CECR2: variants seen among roughly 807,000 people sequenced by gnomAD.
The protein encoded by CECR2 is CECR2 histone acetyl-lysine reader.
A neutral mutation model predicts 154.5 loss-of-function variants in CECR2; 30 were observed. That is an observed-to-expected ratio of 0.19 (90% CI 0.15 to 0.26). The LOEUF is 0.26. Among genes scored for constraint, CECR2 ranks in the 10% least tolerant of loss-of-function variants. The pLI is 1.00. For missense variants in CECR2, 1,743 were observed against 1,829.3 expected (o/e 0.95, Z 0.86); for synonymous variants, 725 against 683.7 (o/e 1.06, Z -0.94).
intron 8 of CECR2, among the ~76,000 whole-genome samples, chr22:17,522,323 T>TG (rs2056172584): frequency 6.6e-6 from 1 of 152,224 alleles, no homozygotes; most frequent in African/African-American, 2.4e-5. Context: ...TGGGTAAAGA[T>TG]GTTGCTGGAA....
At chr22:17,439,168 C>CT (rs75068959) in intron 1 of CECR2, among the ~76,000 whole-genome samples, 2,297 of 140,382 alleles carry the variant, frequency 0.016, 73 homozygotes, top group East Asian at 0.16. Flanking sequence ...GAAACACTCC[C>CT]TTTTTTTTTT....
intron 1 of CECR2, among the ~76,000 whole-genome samples, chr22:17,432,156 C>G (rs1232496281): frequency 1.4e-5 from 2 of 142,766 alleles, no homozygotes; most frequent in East Asian, 4.2e-4. Context: ...TGGAATCACA[C>G]AGCCCCACTT....
intron 16 of CECR2, among the ~76,000 whole-genome samples, chr22:17,546,307 G>A (rs1159174943): frequency 2.0e-5 from 3 of 151,916 alleles, no homozygotes; most frequent in Non-Finnish European, 2.9e-5. Context: ...CTAACACGGT[G>A]AAACCCCATC....
chr22:17,471,906 T>G (rs1041673932), intron 1 of CECR2, among the ~76,000 whole-genome samples: 1 of 152,308 alleles, frequency 6.6e-6, no homozygotes, highest in East Asian at 1.9e-4. Flanking sequence ...GGAGACAGTT[T>G]TAGTAATTCA....
chr22:17,539,192 C>T (rs768280456), intron 13 of CECR2, 73 bp downstream of exon 13: 1 of 1,528,556 alleles, frequency 6.5e-7, no homozygotes, highest in Admixed American at 1.7e-5. Context: ...TTTACAAATA[C>T]ACATCCTAGT....
At chr22:17,378,174 G>A (rs58460912) in intron 1 of CECR2, among the ~76,000 whole-genome samples, 1,996 of 151,338 alleles carry the variant, frequency 0.013, 54 homozygotes, top group African/African-American at 0.046. Flanking sequence ...TAGTAGAGAC[G>A]GGGTTTCACC....
intron 1 of CECR2, among the ~76,000 whole-genome samples, chr22:17,422,742 A>G (rs1300104798): frequency 1.4e-5 from 2 of 146,688 alleles, no homozygotes; most frequent in African/African-American, 5.1e-5. Flanking sequence ...GTTTGTATTG[A>G]TACATCCTTA....
intron 1 of CECR2, among the ~76,000 whole-genome samples, chr22:17,381,161 A>G (rs993223513): frequency 1.3e-5 from 2 of 152,174 alleles, no homozygotes; most frequent in Non-Finnish European, 2.9e-5. Context: ...AAAGGAATTT[A>G]ATTTTGGATT....
chr22:17,378,627 C>T (rs1205463322), intron 1 of CECR2, among the ~76,000 whole-genome samples: 4 of 152,192 alleles, frequency 2.6e-5, no homozygotes, highest in Non-Finnish European at 5.9e-5. Flanking sequence ...CCTCTATGCT[C>T]CAGGTGCCAA....
At chr22:17,413,012 G>A (rs569215363) in intron 1 of CECR2, among the ~76,000 whole-genome samples, 1 of 152,268 alleles carries the variant, frequency 6.6e-6, no homozygotes, top group Non-Finnish European at 1.5e-5. Context: ...CTGGTCTGAG[G>A]TTGAGAGTGC....
chr22:17,503,248 C>T, intron 6 of CECR2, 117 bp downstream of exon 6: 1 of 866,666 alleles, frequency 1.2e-6, no homozygotes, highest in African/African-American at 1.7e-5. Flanking sequence ...AGCCTTTTAC[C>T]TACCCCCTGT....
chr22:17,420,484 C>T (rs2054229201), intron 1 of CECR2, among the ~76,000 whole-genome samples: 1 of 152,092 alleles, frequency 6.6e-6, no homozygotes, highest in South Asian at 2.1e-4. Context: ...TCTTTCTTTA[C>T]CCACCACTCA....
chr22:17,393,988 A>G (rs2053769038), intron 1 of CECR2, among the ~76,000 whole-genome samples: 1 of 150,988 alleles, frequency 6.6e-6, no homozygotes, highest in South Asian at 2.1e-4. Flanking sequence ...CCCGGGTTCA[A>G]GCAATTCTCC....
At position 17,549,253 on chromosome 22, in the gene CECR2, T is replaced by C; in HGVS notation, c.3966T>C (p.Pro1322=). ...LSASEYLYGT[P]PPLSSGMGFG... ...CCAGCGAGTATCTCTATGGAACTCC[T>C]CCGCCTCTGAGTTCAGGAATGGGAT... Residue 1322 remains proline, a synonymous_variant, in exon 17 of 19, where the codon CCT becomes CCC. Coordinates refer to ENST00000262608, the MANE Select transcript of CECR2 (RefSeq NM_001290047.2). 1.9e-6 allele frequency: 3 copies of C among 1,614,000 alleles called. No individual in the cohort carries two copies. Among genetic ancestry groups the C allele is most frequent in the Non-Finnish European group, 2.5e-6 (3 of 1,179,898 alleles).
At chr22:17,515,822 C>G (rs564689250) in intron 8 of CECR2, among the ~76,000 whole-genome samples, 277 of 152,150 alleles carry the variant, frequency 1.8e-3, no homozygotes, top group African/African-American at 6.2e-3. Context: ...ACTACAGGCG[C>G]CCGCCACCAC....
intron 8 of CECR2, among the ~76,000 whole-genome samples, chr22:17,512,707 GAAA>G (rs774207282): frequency 1.6e-5 from 2 of 122,460 alleles, no homozygotes; most frequent in African/African-American, 3.3e-5. Flanking sequence ...CTCTGTCTCA[GAAA>G]AAAAAAAAAA....
chr22:17,397,231 G>A (rs1045942572), intron 1 of CECR2, among the ~76,000 whole-genome samples: 1 of 152,168 alleles, frequency 6.6e-6, no homozygotes, highest in African/African-American at 2.4e-5. Flanking sequence ...CCACCTCCCA[G>A]GTTCAAGCGA....
At chr22:17,480,459 C>CACAGAGAG (rs373106595) in intron 2 of CECR2, among the ~76,000 whole-genome samples, 136 of 143,838 alleles carry the variant, frequency 9.5e-4, no homozygotes, top group Non-Finnish European at 1.3e-3. Context: ...CACACACACA[C>CACAGAGAG]AGAGAAAAGT....
At chr22:17,409,793 A>G (rs2054038244) in intron 1 of CECR2, among the ~76,000 whole-genome samples, 1 of 110,908 alleles carries the variant, frequency 9.0e-6, no homozygotes, top group South Asian at 2.7e-4. Flanking sequence ...TCTTGTATTT[A>G]CAGTACCTAG....
Sources: gnomAD v4.1 joint callset for allele counts (sites outside exome capture counted in the v4.1 genomes callset) on GRCh38, gnomAD v4.1.1 for gene constraint, MANE v1.5 for transcripts, NCBI Gene and HGNC (gene_info 2026-07-23, HGNC 2026-07-21) for gene names.